Variants in TRHDE observed in about 807,000 individuals in gnomAD.
TRHDE encodes thyrotropin releasing hormone degrading enzyme, also known as thyrotropin-releasing hormone-degrading ectoenzyme.
Under a neutral mutation model 125.7 loss-of-function variants are expected in TRHDE, and 72 were observed. The observed-to-expected ratio is 0.57, with a 90% CI of 0.47 to 0.70. TRHDE has a LOEUF of 0.70. Ranked by LOEUF, TRHDE falls within the 30% of genes least tolerant of loss-of-function variation. The pLI, the probability that TRHDE is intolerant of heterozygous loss-of-function variation, is 0.00. For missense variants in TRHDE, 1,110 were observed against 1,327.1 expected (o/e 0.84, Z 2.54); for synonymous variants, 509 against 509.1 (o/e 1.00, Z 0.00).
chr12:72,499,566 T>C lies in TRHDE; in HGVS notation c.1653T>C (p.His551=). The part of the protein sequence containing the change: ...VMLLDGLASS[H]PVSQEVLQAT... The stretch of plus-strand genomic sequence containing the variant: ...TGCTGGACGGTTTGGCCAGTTCCCA[T>C]CCAGTATCACAGGAAGTGCTGCAGG... Residue 551 remains histidine (H), a synonymous_variant, in exon 6 of 19, where the codon CAT becomes CAC. Coordinates refer to ENST00000261180, the MANE Select transcript of TRHDE (RefSeq NM_013381.3). 6.2e-7 allele frequency: 1 copy of C among 1,613,918 alleles called. No homozygotes were observed. The highest frequency in any genetic ancestry group is 8.5e-7 in the Non-Finnish European group (1 of 1,179,892).
chr12:72,237,821 G>A (rs1226562921), intron 2 of TRHDE, among the ~76,000 whole-genome samples: 1 of 152,018 alleles, frequency 6.6e-6, no homozygotes, highest in African/African-American at 2.4e-5. Context: ...ACTAATTCAG[G>A]GACTCTTAGG....
At chr12:72,380,766 G>C (rs77277232) in intron 3 of TRHDE, among the ~76,000 whole-genome samples, 2,824 of 70,590 alleles carry the variant, frequency 0.04, 101 homozygotes, top group African/African-American at 0.14. Flanking sequence ...TTCCTTCCTT[G>C]CTTCCTTCCT....
intron 15 of TRHDE, among the ~76,000 whole-genome samples, chr12:72,633,646 TTTCAC>T (rs1372284929): frequency 1.3e-5 from 2 of 152,050 alleles, no homozygotes; most frequent in Admixed American, 1.3e-4. Flanking sequence ...TGACTATGCG[TTTCAC>T]TTGGGATTCT....
intron 3 of TRHDE, among the ~76,000 whole-genome samples, chr12:72,454,446 G>A (rs538813205): frequency 6.6e-6 from 1 of 152,202 alleles, no homozygotes; most frequent in African/African-American, 2.4e-5. Context: ...AATGAGAAAG[G>A]CAGTGCTATT....
rs193181861 is a variant in TRHDE, at chr12:72,319,021, A to G, written c.1188+32067A>G. Reference sequence around the variant, plus strand: ...GGCACAGTCGGTGAGAGCTAAGGGTAAGGAGAGGAAGCTGGACGGTGTACC... The same window carrying G: ...GGCACAGTCGGTGAGAGCTAAGGGTGAGGAGAGGAAGCTGGACGGTGTACC... On this transcript the variant is annotated intron_variant, in intron 2 of 18. Coordinates refer to ENST00000261180, the MANE Select transcript of TRHDE (RefSeq NM_013381.3). Among the ~76,000 whole-genome samples, 523 of 152,268 alleles carry G rather than the reference A, an allele frequency of 3.4e-3. 9 individuals are homozygous for G. The highest frequency in any genetic ancestry group is 0.012 in the African/African-American group (502 of 41,560).
At chr12:72,516,183 A>G (rs1049302638) in intron 6 of TRHDE, among the ~76,000 whole-genome samples, 1 of 151,306 alleles carries the variant, frequency 6.6e-6, no homozygotes, top group Admixed American at 6.6e-5. Context: ...CTGTGAAGAA[A>G]GTCATTGGTA....
At chr12:72,185,144 C>A (rs1042288887) in intron 2 of TRHDE, among the ~76,000 whole-genome samples, 1 of 152,218 alleles carries the variant, frequency 6.6e-6, no homozygotes, top group Non-Finnish European at 1.5e-5. Context: ...TCGGAGCAGC[C>A]GGCCAGCCCT....
At chr12:72,634,175 T>A (rs1279987698) in intron 15 of TRHDE, among the ~76,000 whole-genome samples, 1 of 152,062 alleles carries the variant, frequency 6.6e-6, no homozygotes, top group Non-Finnish European at 1.5e-5. Context: ...AACTGACACA[T>A]AGGCACAAAA....
In TRHDE at chr12:72,521,373, C is replaced by G. The variant is rs529680236; in HGVS notation, c.1723-20918C>G. Among the ~76,000 whole-genome samples, 5 of 152,258 alleles carry G rather than the reference C, an allele frequency of 3.3e-5. No homozygotes were observed. In the South Asian group the frequency reaches 1.0e-3, roughly 32 times the overall value. ...GAATTTGAGCCAACAGCATAAGGAG[C>G]TCAGAAAAGCGCTATGCCAAGGCTA... On this transcript the variant is annotated intron_variant, in intron 6 of 18. Coordinates refer to ENST00000261180, the MANE Select transcript of TRHDE (RefSeq NM_013381.3).
chr12:72,285,631 C>T (rs7969786), intron 1 of TRHDE, among the ~76,000 whole-genome samples: 9,898 of 151,228 alleles, frequency 0.065, 969 homozygotes, highest in African/African-American at 0.21. Flanking sequence ...AGTGATTCTC[C>T]TGCCTCAGCC....
intron 2 of TRHDE, among the ~76,000 whole-genome samples, chr12:72,139,141 G>A (rs373579000): frequency 2.0e-5 from 3 of 152,134 alleles, no homozygotes; most frequent in East Asian, 1.9e-4. Flanking sequence ...AAGTTGAGGT[G>A]TTCTTTTTAA....
chr12:72,533,723 G>GTTTTTTTTTTTTTTTCTTT, intron 6 of TRHDE, among the ~76,000 whole-genome samples: 1 of 97,898 alleles, frequency 1.0e-5, no homozygotes, highest in African/African-American at 3.6e-5. Context: ...TTTTCTATTT[G>GTTTTTTTTTTTTTTTCTTT]TTTTTTTTTT....
intron 15 of TRHDE, among the ~76,000 whole-genome samples, chr12:72,637,810 G>T (rs1221167020): frequency 6.6e-6 from 1 of 151,958 alleles, no homozygotes; most frequent in African/African-American, 2.4e-5. Context: ...GTAGTTGAGT[G>T]GTTTTGAGTG....
intron 7 of TRHDE, among the ~76,000 whole-genome samples, chr12:72,551,142 A>G (rs1447284495): frequency 2.0e-5 from 3 of 152,086 alleles, no homozygotes; most frequent in Admixed American, 2.0e-4. Flanking sequence ...TTAATATGTC[A>G]AAATTATTGT....
At chr12:72,310,292 G>T (rs1284158856) in intron 2 of TRHDE, among the ~76,000 whole-genome samples, 1 of 152,300 alleles carries the variant, frequency 6.6e-6, no homozygotes, top group Middle Eastern at 3.4e-3. Flanking sequence ...GCTAAGTCTA[G>T]CTTGTATTAT....
intron 5 of TRHDE, among the ~76,000 whole-genome samples, chr12:72,475,104 T>TA (rs1876829502): frequency 6.6e-6 from 1 of 152,156 alleles, no homozygotes. Context: ...TGCCTTTAAA[T>TA]GACACTGAAG....
chr12:72,097,022 C>T (rs1874939656), intron 1 of TRHDE, among the ~76,000 whole-genome samples: 1 of 152,216 alleles, frequency 6.6e-6, no homozygotes, highest in Admixed American at 6.5e-5. Flanking sequence ...ACCAAATATA[C>T]TGATTAGCTT....
At chr12:72,342,258 C>A (rs1870119021) in intron 2 of TRHDE, among the ~76,000 whole-genome samples, 1 of 152,074 alleles carries the variant, frequency 6.6e-6, no homozygotes, top group Non-Finnish European at 1.5e-5. Context: ...TTGGCAAATA[C>A]TTGAGCAATG....
intron 2 of TRHDE, among the ~76,000 whole-genome samples, chr12:72,175,860 G>A (rs1183614072): frequency 1.3e-5 from 2 of 152,224 alleles, no homozygotes; most frequent in African/African-American, 4.8e-5. Context: ...TGATTGTGAA[G>A]AAGGATCAAC....
Sources: gnomAD v4.1 joint callset for allele counts (sites outside exome capture counted in the v4.1 genomes callset) on GRCh38, gnomAD v4.1.1 for gene constraint, MANE v1.5 for transcripts, NCBI Gene and HGNC (gene_info 2026-07-23, HGNC 2026-07-21) for gene names.